Variants in MTIF3 observed in about 807,000 individuals in gnomAD.
MTIF3 encodes translation initiation factor IF-3, mitochondrial.
Under a neutral mutation model 20.7 loss-of-function variants are expected in MTIF3, and 13 were observed. The observed-to-expected ratio is 0.63, with a 90% CI of 0.41 to 1.00. The LOEUF (loss-of-function observed/expected upper bound fraction) is 1.00. Among genes scored for constraint, MTIF3 ranks in the 50% least tolerant of loss-of-function variants. The pLI is 0.00. For synonymous variants in MTIF3, 114 were observed against 112.5 expected (o/e 1.01, Z -0.08); for missense variants, 295 against 324.5 (o/e 0.91, Z 0.70).
chr13:27,448,742 A>C (rs1184504539), intron 1 of MTIF3, among the ~76,000 whole-genome samples: 1 of 152,256 alleles, frequency 6.6e-6, no homozygotes, highest in Non-Finnish European at 1.5e-5. Flanking sequence ...CTCTGTATTA[A>C]AAACTGGACT....
chr13:27,439,802 G>T (rs1388165917), intron 3 of MTIF3, among the ~76,000 whole-genome samples, 187 bp downstream of exon 3: 1 of 152,064 alleles, frequency 6.6e-6, no homozygotes, highest in South Asian at 2.1e-4. Flanking sequence ...GAAAAACAGT[G>T]AAAAAAAGGG....
intron 2 of MTIF3, among the ~76,000 whole-genome samples, chr13:27,442,246 C>A (rs1954029961): frequency 1.3e-5 from 2 of 152,184 alleles, no homozygotes; most frequent in Admixed American, 1.3e-4. Context: ...TTATCCTTGA[C>A]TCTTTATTTT....
In MTIF3 at chr13:27,440,336, G is replaced by A. The variant is rs1353899327; in HGVS notation, c.113C>T (p.Ser38Phe). The A allele has an allele frequency of 1.9e-6, 3 of 1,614,036 alleles. No individual in the cohort carries two copies. The highest frequency in any genetic ancestry group is 2.5e-6 in the Non-Finnish European group (3 of 1,180,034). ...ILQKTAPAQLSPIASAPRLSF... is the reference protein window; with the variant it reads ...ILQKTAPAQLFPIASAPRLSF... Reference sequence around the variant, plus strand: ...GAGTCTTGGGGCAGAAGCAATAGGGGACAACTGTGCTGGTGCTGTCTTTTG... The same window carrying A: ...GAGTCTTGGGGCAGAAGCAATAGGGAACAACTGTGCTGGTGCTGTCTTTTG... The change falls in exon 3 of 5, where the codon TCC becomes TTC. Residue 38 changes from serine (S) to phenylalanine (F), a missense_variant. Ser to Phe is a radical substitution (Grantham distance 155). Coordinates refer to ENST00000381120, the MANE Select transcript of MTIF3 (RefSeq NM_152912.5).
Position 27,437,375 on chromosome 13 carries a change from ATCT to A in MTIF3, c.461-105_461-103del. 12 of 1,000,604 alleles carry A rather than the reference ATCT, an allele frequency of 1.2e-5. No homozygotes were observed. In the South Asian group the frequency reaches 2.3e-4, roughly 19 times the overall value. 62.0% of individuals were successfully genotyped at this position (1,000,604 alleles called of 1,614,324 possible). ...TAAAATCCTAGGTTGCCACCTGACA[ATCT>A]TCTCATCTGGCTTTCAGTTTCACAG... On this transcript the variant is annotated intron_variant, in intron 3 of 4. Coordinates refer to ENST00000381120, the MANE Select transcript of MTIF3 (RefSeq NM_152912.5).
At chr13:27,439,814 A>G (rs1301502458) in intron 3 of MTIF3, among the ~76,000 whole-genome samples, 175 bp downstream of exon 3, 3 of 152,216 alleles carry the variant, frequency 2.0e-5, no homozygotes, top group Non-Finnish European at 1.5e-5. Flanking sequence ...AAAAAAGGGA[A>G]CAGGAGTAAG....
chr13:27,444,127 C>T lies in MTIF3; in HGVS notation c.-2+961G>A, dbSNP rs1406395848. ...GACCATCCTGGCTAACACAGTGAAA[C>T]CCTGTCTCTACTAAAAAATAAAATA... On this transcript the variant is annotated intron_variant, in intron 2 of 4. Coordinates refer to ENST00000381120, the MANE Select transcript of MTIF3 (RefSeq NM_152912.5). Among the ~76,000 whole-genome samples, 3 of 152,012 alleles carry T rather than the reference C, an allele frequency of 2.0e-5. No individual in the cohort carries two copies. In the East Asian group the frequency reaches 5.8e-4, roughly 29 times the overall value.
intron 3 of MTIF3, 80 bp downstream of exon 3, chr13:27,439,909 G>T: frequency 8.1e-7 from 1 of 1,228,284 alleles, no homozygotes; most frequent in Non-Finnish European, 1.1e-6. Flanking sequence ...CTTGTCACAG[G>T]CACCTTGACA....
Position 27,446,709 on chromosome 13 carries a change from T to C in MTIF3, c.-70-1553A>G, listed in dbSNP as rs1954191954. On this transcript the variant is annotated intron_variant, in intron 1 of 4. Coordinates refer to ENST00000381120, the MANE Select transcript of MTIF3 (RefSeq NM_152912.5). ...CCTTTATTCGTTTCAAGCCTATATC[T>C]AAGTGACCCATAAATAAGGAACTTT... 3.9e-5 allele frequency among the ~76,000 whole-genome samples: 6 copies of C among 152,254 alleles called. 1 individual carries two copies. In the South Asian group the frequency reaches 1.2e-3, roughly 31 times the overall value.
At chr13:27,442,059 C>G (rs1954021227) in intron 2 of MTIF3, among the ~76,000 whole-genome samples, 1 of 152,190 alleles carries the variant, frequency 6.6e-6, no homozygotes, top group South Asian at 2.1e-4. Context: ...AGTTCCACAC[C>G]TGTAGGGTTA....
At chr13:27,444,720 C>T (rs57060221) in intron 2 of MTIF3, among the ~76,000 whole-genome samples, 1,766 of 152,294 alleles carry the variant, frequency 0.012, 39 homozygotes, top group African/African-American at 0.038. Flanking sequence ...CAAAGTAAAT[C>T]CTACTTTTTC....
At chr13:27,448,968 G>A (rs1224644359) in intron 1 of MTIF3, among the ~76,000 whole-genome samples, 2 of 139,858 alleles carry the variant, frequency 1.4e-5, no homozygotes, top group Non-Finnish European at 3.1e-5. Context: ...TTGAACCCGG[G>A]AAGCAGAGGT....
intron 3 of MTIF3, among the ~76,000 whole-genome samples, chr13:27,439,037 T>A (rs975028499): frequency 6.6e-6 from 1 of 152,204 alleles, no homozygotes; most frequent in Non-Finnish European, 1.5e-5. Context: ...TTAGGAACTA[T>A]GAAAAACAAA....
rs771657199 is a variant in MTIF3 at position 27,438,649 on chromosome 13, C to T, written c.460+1340G>A. Among the ~76,000 whole-genome samples, 32 of 152,064 alleles carry T rather than the reference C, an allele frequency of 2.1e-4. 1 individual carries two copies. The highest frequency in any genetic ancestry group is 1.0e-4 in the Non-Finnish European group (7 of 67,990). ...TAGCTGGGATCACAGGTTTGCACCA[C>T]TACACCTTGCTAATTTTAAAATTTT... is the stretch of plus-strand genomic sequence containing the variant. On this transcript the variant is annotated intron_variant, in intron 3 of 4. Coordinates refer to ENST00000381120, the MANE Select transcript of MTIF3 (RefSeq NM_152912.5).
intron 2 of MTIF3, among the ~76,000 whole-genome samples, chr13:27,442,790 C>T (rs796439574): frequency 5.9e-5 from 9 of 152,338 alleles, no homozygotes; most frequent in African/African-American, 2.2e-4. Flanking sequence ...CACACCCCAA[C>T]ACTCTCAAAC....
rs1953910774 is a variant in MTIF3, at chr13:27,439,398, A to G, written c.460+591T>C. ...GTAATCCCAGCCACTGGGGAGGCTA[A>G]GGCAGGAGAATCGCTTGAGCCTGGG... is the stretch of plus-strand genomic sequence containing the variant. On this transcript the variant is annotated intron_variant, in intron 3 of 4. Transcript: ENST00000381120. Among the ~76,000 whole-genome samples, 5 of 152,238 alleles carry G rather than the reference A, an allele frequency of 3.3e-5. No individual in the cohort carries two copies. The South Asian group carries it at 1.0e-3, about 32-fold the overall frequency.
chr13:27,446,655 G>C (rs1267299401), intron 1 of MTIF3, among the ~76,000 whole-genome samples: 4 of 152,124 alleles, frequency 2.6e-5, no homozygotes, highest in African/African-American at 9.7e-5. Context: ...TTGACATTCT[G>C]GCTTTGTACA....
chr13:27,444,021 G>A (rs755795803), intron 2 of MTIF3, among the ~76,000 whole-genome samples: 6 of 152,220 alleles, frequency 3.9e-5, no homozygotes, highest in Admixed American at 6.5e-5. Flanking sequence ...ACTGGAAGTA[G>A]GGCCGGGTGC....
At position 27,450,547 on chromosome 13, in the gene MTIF3, C is replaced by A. The variant is rs374744019; in HGVS notation, c.-109G>T. 6.6e-6 allele frequency: 1 copy of A among 151,128 alleles called. No homozygotes were observed. The highest frequency in any genetic ancestry group is 2.5e-5 in the African/African-American group (1 of 40,298). 9.4% of individuals were successfully genotyped at this position (151,128 alleles called of 1,614,324 possible). On this transcript the variant is annotated 5_prime_UTR_variant, in exon 1 of 5. Transcript: ENST00000381120. Reference sequence around the variant, plus strand: ...AGCGATTGACATACTGTAGCGGACGCAAGTACAGCGGATCTGCGGCGAGTC... The same window carrying A: ...AGCGATTGACATACTGTAGCGGACGAAAGTACAGCGGATCTGCGGCGAGTC...
In MTIF3 at chr13:27,437,260, T is replaced by G; in HGVS notation, c.474A>C (p.Arg158Ser). 1 of 1,613,582 alleles carries G rather than the reference T, an allele frequency of 6.2e-7. No individual in the cohort carries two copies. Among genetic ancestry groups the G allele is most frequent in the Non-Finnish European group, 8.5e-7 (1 of 1,179,994 alleles). Residue 158 changes from arginine to serine, a missense_variant, in exon 4 of 5, where the codon AGA (arginine) becomes AGC (serine). By Grantham distance (110) the Arg-to-Ser change is moderately radical. Coordinates refer to ENST00000381120, the MANE Select transcript of MTIF3 (RefSeq NM_152912.5). ...KANPKTGPTL[R>S]KELILSSNIG... ...TATTTGAAGACAAAATCAGTTCCTT[T>G]CTCAGGGTTGGTCCTGGTTTGAAAC...
Sources: gnomAD v4.1 joint callset for allele counts (sites outside exome capture counted in the v4.1 genomes callset) on GRCh38, gnomAD v4.1.1 for gene constraint, MANE v1.5 for transcripts, NCBI Gene and HGNC (gene_info 2026-07-23, HGNC 2026-07-21) for gene names.